CCR2: variants seen among roughly 807,000 people sequenced by gnomAD.
CCR2 encodes the protein C-C chemokine receptor type 2.
For missense variants in CCR2, 408 were observed against 440.0 expected (o/e 0.93, Z 0.65); for synonymous variants, 183 against 177.1 (o/e 1.03, Z -0.27).
At position 46,358,797 on chromosome 3, in the gene CCR2, A is replaced by G; in HGVS notation, c.*187A>G. 7.2e-7 allele frequency: 1 copy of G among 1,386,292 alleles called. No individual in the cohort carries two copies. The highest frequency in any genetic ancestry group is 9.4e-7 in the Non-Finnish European group (1 of 1,065,164). The allele number at this position is 1,386,292 out of a possible 1,614,324, so 85.9% of individuals were successfully genotyped here. A position where few individuals can be genotyped will look rare whatever the true frequency, so the allele number is the denominator to read the frequency against. On this transcript the variant is annotated 3_prime_UTR_variant, in exon 2 of 2. Transcript: ENST00000445132. ...ACATGTGCTCAGGGAATAATCCAGA[A>G]AAACTGTGGGTAGAGACTTTGACTC...
In CCR2 at chr3:46,358,236, A is replaced by C. The variant is rs376895493; in HGVS notation, c.709A>C (p.Lys237Gln). 1 of 1,614,048 alleles carries C rather than the reference A, an allele frequency of 6.2e-7. No homozygotes were observed. The highest frequency in any genetic ancestry group is 1.1e-5 in the South Asian group (1 of 91,082). The change falls in exon 2 of 2, where the codon AAG (lysine) becomes CAG (glutamine). Residue 237 changes from lysine to glutamine, a missense_variant. Physicochemically the swap from Lys to Gln is moderately conservative, Grantham distance 53 (BLOSUM62 1). Transcript: ENST00000445132. ...KTLLRCRNEK[K>Q]RHRAVRVIFT... ...CCTGCTTCGGTGTCGAAACGAGAAG[A>C]AGAGGCATAGGGCAGTGAGAGTCAT...
rs1234160150 is a variant in CCR2 at position 46,357,566 on chromosome 3, C to T, written c.39C>T (p.Thr13=). 3 of 1,613,870 alleles carry T rather than the reference C, an allele frequency of 1.9e-6. No individual in the cohort carries two copies. Among genetic ancestry groups the T allele is most frequent in the South Asian group, 1.1e-5 (1 of 91,070 alleles). Residue 13 remains threonine, a synonymous_variant, in exon 2 of 2, where the codon ACC becomes ACT. Transcript: ENST00000445132. ...CTCGTTCTCGGTTTATCAGAAATACCAACGAGAGCGGTGAAGAAGTCACCA... is the reference window on the plus strand; with the variant it reads ...CTCGTTCTCGGTTTATCAGAAATACTAACGAGAGCGGTGAAGAAGTCACCA... The part of the protein sequence containing the change: ...STSRSRFIRN[T]NESGEEVTTF...
Position 46,360,806 on chromosome 3 carries a change from CAT to C in CCR2, c.*2201_*2202del, listed in dbSNP as rs1420356187. ...GGGGACAGAGCAGAACTTTCACCTT[CAT>C]ATATTTGTATGATCCTAATGAATGC... On this transcript the variant is annotated 3_prime_UTR_variant, in exon 2 of 2. Transcript: ENST00000445132. 1 of 152,194 alleles carries C rather than the reference CAT, an allele frequency of 6.6e-6. No homozygotes were observed. The highest frequency in any genetic ancestry group is 1.5e-5 in the Non-Finnish European group (1 of 68,044). 9.4% of individuals were successfully genotyped at this position (152,194 alleles called of 1,614,324 possible).
rs1434902072 is a variant in CCR2 at position 46,358,323 on chromosome 3, A to C, written c.796A>C (p.Asn266His). The C allele has an allele frequency of 6.2e-7, 1 of 1,614,072 alleles. No homozygotes were observed. Among genetic ancestry groups the C allele is most frequent in the East Asian group, 2.2e-5 (1 of 44,890 alleles). The change falls in exon 2 of 2, where the codon AAC becomes CAC. Residue 266 changes from asparagine (N) to histidine (H), a missense_variant. By Grantham distance (68) the Asn-to-His change is moderately conservative. Coordinates refer to ENST00000445132, the MANE Select transcript of CCR2 (RefSeq NM_001123396.4). ...TCCCTATAATATTGTCATTCTCCTG[A>C]ACACCTTCCAGGAATTCTTCGGCCT... ...WTPYNIVILL[N>H]TFQEFFGLSN...
In CCR2 at chr3:46,359,922, C is replaced by T; in HGVS notation, c.*1312C>T. On this transcript the variant is annotated 3_prime_UTR_variant, in exon 2 of 2. Coordinates refer to ENST00000445132, the MANE Select transcript of CCR2 (RefSeq NM_001123396.4). ...CGTCTGGCTTCACAGATGTGTGATT[C>T]ACAGTGTGAATCTTGGTGTCTACGT... 1 of 1,501,172 alleles carries T rather than the reference C, an allele frequency of 6.7e-7. No individual in the cohort carries two copies. The highest frequency in any genetic ancestry group is 2.3e-5 in the East Asian group (1 of 44,114). 93.0% of individuals were successfully genotyped at this position (1,501,172 alleles called of 1,614,324 possible). A position where few individuals can be genotyped will look rare whatever the true frequency, so the allele number is the denominator to read the frequency against.
At chr3:46,355,445 G>A (rs1179103374) in intron 1 of CCR2, among the ~76,000 whole-genome samples, 4 of 152,174 alleles carry the variant, frequency 2.6e-5, no homozygotes, top group Admixed American at 6.5e-5. Context: ...AGGTGAGGCT[G>A]AAAAGAGGCA....
chr3:46,359,040 A>G lies in CCR2; in HGVS notation c.*430A>G. 9.8e-7 allele frequency: 1 copy of G among 1,021,430 alleles called. No individual in the cohort carries two copies. The highest frequency in any genetic ancestry group is 1.2e-6 in the Non-Finnish European group (1 of 842,402). 63.3% of individuals were successfully genotyped at this position (1,021,430 alleles called of 1,614,324 possible). A position where few individuals can be genotyped will look rare whatever the true frequency, so the allele number is the denominator to read the frequency against. On this transcript the variant is annotated 3_prime_UTR_variant, in exon 2 of 2. Coordinates refer to ENST00000445132, the MANE Select transcript of CCR2 (RefSeq NM_001123396.4). Reference sequence around the variant, plus strand: ...AGAGGAGAAGGAGGGAGACATGAGCATGGCTGAGCCTGGACAAAGACAAAG... The same window carrying G: ...AGAGGAGAAGGAGGGAGACATGAGCGTGGCTGAGCCTGGACAAAGACAAAG...
chr3:46,356,449 G>A (rs1360428764), intron 1 of CCR2, among the ~76,000 whole-genome samples: 3 of 152,142 alleles, frequency 2.0e-5, no homozygotes, highest in Admixed American at 6.5e-5. Context: ...AATTGTAAAT[G>A]GAGGAAGTTA....
At chr3:46,356,331 A>C (rs1004374514) in intron 1 of CCR2, among the ~76,000 whole-genome samples, 3 of 152,186 alleles carry the variant, frequency 2.0e-5, no homozygotes, top group African/African-American at 7.2e-5. Flanking sequence ...GGTGAGAGCT[A>C]AGTGTGGTGC....
In CCR2 at chr3:46,359,636, C is replaced by T; in HGVS notation, c.*1026C>T. 1.3e-6 allele frequency: 2 copies of T among 1,577,380 alleles called. No individual in the cohort carries two copies. Among genetic ancestry groups the T allele is most frequent in the Non-Finnish European group, 1.7e-6 (2 of 1,164,366 alleles). ...CTGGTTTGTTTTGTGCTTGCTTTTC[C>T]CTGCCTTGCCACTCCCCTCACTCTT... is the stretch of plus-strand genomic sequence containing the variant. On this transcript the variant is annotated 3_prime_UTR_variant, in exon 2 of 2. Transcript: ENST00000445132.
rs1021495672 is a variant in CCR2, at chr3:46,357,199, G to A, written c.-51-278G>A. ...AGACCTATGCACCACCTGCAAAGGA[G>A]CCAGAGAAAACAAACGCCCAGCGCT... On this transcript the variant is annotated intron_variant, in intron 1 of 1. Transcript: ENST00000445132. Among the ~76,000 whole-genome samples the A allele has an allele frequency of 1.4e-4, 22 of 152,342 alleles. 1 individual carries two copies. The Middle Eastern group carries it at 0.01, about 71-fold the overall frequency.
rs1183126868 is a variant in CCR2, at chr3:46,359,626, C to T, written c.*1016C>T. 2 of 1,554,932 alleles carry T rather than the reference C, an allele frequency of 1.3e-6. No individual in the cohort carries two copies. The highest frequency in any genetic ancestry group is 1.4e-5 in the African/African-American group (1 of 72,462). On this transcript the variant is annotated 3_prime_UTR_variant, in exon 2 of 2. Transcript: ENST00000445132. ...TGGATCTGAGCTGGTTTGTTTTGTGCTTGCTTTTCCCTGCCTTGCCACTCC... is the reference window on the plus strand; with the variant it reads ...TGGATCTGAGCTGGTTTGTTTTGTGTTTGCTTTTCCCTGCCTTGCCACTCC...
At position 46,358,599 on chromosome 3, in the gene CCR2, G is replaced by A; in HGVS notation, c.1072G>A (p.Ala358Thr). 2 of 1,578,196 alleles carry A rather than the reference G, an allele frequency of 1.3e-6. No individual in the cohort carries two copies. The highest frequency in any genetic ancestry group is 2.3e-5 in the South Asian group (2 of 87,464). The change falls in exon 2 of 2, where the codon GCT becomes ACT. Residue 358 changes from alanine to threonine, a missense_variant. Transcript: ENST00000445132. Reference sequence around the variant, plus strand: ...TTCCACTGGGGAGCAGGAAGTCTCGGCTGGTTTATAAAACGAGGAGCAGTT... The same window carrying A: ...TTCCACTGGGGAGCAGGAAGTCTCGACTGGTTTATAAAACGAGGAGCAGTT... ...TPSTGEQEVS[A>T]GL
At chr3:46,355,475 G>C (rs1260238203) in intron 1 of CCR2, among the ~76,000 whole-genome samples, 1 of 152,194 alleles carries the variant, frequency 6.6e-6, no homozygotes, top group Non-Finnish European at 1.5e-5. Context: ...AAGATGTTGT[G>C]CTGGGCAGTC....
At chr3:46,356,556 G>A (rs1701455587) in intron 1 of CCR2, among the ~76,000 whole-genome samples, 1 of 152,126 alleles carries the variant, frequency 6.6e-6, no homozygotes, top group Non-Finnish European at 1.5e-5. Context: ...GAGAAGTTTT[G>A]GCAGGATGAT....
intron 1 of CCR2, 147 bp from the exon 2 acceptor site, chr3:46,357,329 TC>T: frequency 1.7e-6 from 1 of 604,070 alleles, no homozygotes; most frequent in Admixed American, 3.1e-5. Flanking sequence ...GAAAGGCAAA[TC>T]AGGAACTGGC....
At position 46,358,975 on chromosome 3, in the gene CCR2, C is replaced by A; in HGVS notation, c.*365C>A. On this transcript the variant is annotated 3_prime_UTR_variant, in exon 2 of 2. Transcript: ENST00000445132. ...GAGGTGAAGAAGAGAATGTGACAGGCACAGATGAATGGGAGTGAGGGATAG... is the reference window on the plus strand; with the variant it reads ...GAGGTGAAGAAGAGAATGTGACAGGAACAGATGAATGGGAGTGAGGGATAG... 3 of 1,063,168 alleles carry A rather than the reference C, an allele frequency of 2.8e-6. No homozygotes were observed. The highest frequency in any genetic ancestry group is 2.3e-6 in the Non-Finnish European group (2 of 868,120). 65.9% of individuals were successfully genotyped at this position (1,063,168 alleles called of 1,614,324 possible).
chr3:46,357,068 G>T (rs1243841552), intron 1 of CCR2, among the ~76,000 whole-genome samples: 1 of 152,204 alleles, frequency 6.6e-6, no homozygotes, highest in Admixed American at 6.5e-5. Flanking sequence ...CAGAGCAGGA[G>T]GGGCAGGTGG....
Position 46,359,207 on chromosome 3 carries a change from A to T in CCR2, c.*597A>T. 1 of 1,004,596 alleles carries T rather than the reference A, an allele frequency of 1.0e-6. No individual in the cohort carries two copies. Among genetic ancestry groups the T allele is most frequent in the Non-Finnish European group, 1.2e-6 (1 of 832,890 alleles). The allele number at this position is 1,004,596 out of a possible 1,614,324, so 62.2% of individuals were successfully genotyped here. A position where few individuals can be genotyped will look rare whatever the true frequency, so the allele number is the denominator to read the frequency against. ...AACCTGGGAGTTTTGGTGGAGTCCG[A>T]TGATTCTCTTTTGCATAAGTGCATG... On this transcript the variant is annotated 3_prime_UTR_variant, in exon 2 of 2. Transcript: ENST00000445132.
Sources: gnomAD v4.1 joint callset for allele counts (sites outside exome capture counted in the v4.1 genomes callset) on GRCh38, gnomAD v4.1.1 for gene constraint, MANE v1.5 for transcripts, NCBI Gene and HGNC (gene_info 2026-07-23, HGNC 2026-07-21) for gene names.